The following OSBPL6 variants were observed in gnomAD, a reference collection of about 807,000 sequenced individuals.
The protein encoded by OSBPL6 is oxysterol binding protein like 6, also known as oxysterol-binding protein-related protein 6.
A neutral mutation model predicts 125.8 loss-of-function variants in OSBPL6; 49 were observed. That is an observed-to-expected ratio of 0.39 (90% CI 0.31 to 0.49). The LOEUF (loss-of-function observed/expected upper bound fraction) is 0.49, where lower values mean the gene tolerates loss of function less well. Ranked by LOEUF, OSBPL6 falls within the 20% of genes least tolerant of loss-of-function variation. OSBPL6 has a pLI of 0.88. For missense variants in OSBPL6, 986 were observed against 1,135.4 expected (o/e 0.87, Z 1.89); for synonymous variants, 394 against 391.8 (o/e 1.01, Z -0.07).
chr2:178,394,990 C>T (rs1203636269), intron 24 of OSBPL6, among the ~76,000 whole-genome samples: 2 of 152,128 alleles, frequency 1.3e-5, no homozygotes, highest in South Asian at 2.1e-4. Flanking sequence ...TAGACTTGTC[C>T]TGTCATTACT....
At chr2:178,225,717 C>G (rs536120641) in intron 1 of OSBPL6, among the ~76,000 whole-genome samples, 1 of 152,172 alleles carries the variant, frequency 6.6e-6, no homozygotes, top group African/African-American at 2.4e-5. Context: ...CACAATCTTA[C>G]ACAGCAGGCA....
chr2:178,335,963 A>T (rs1056543122), intron 8 of OSBPL6, among the ~76,000 whole-genome samples: 4 of 152,240 alleles, frequency 2.6e-5, no homozygotes, highest in Non-Finnish European at 5.9e-5. Flanking sequence ...TTAAATCATG[A>T]GTTAAGAGTA....
intron 11 of OSBPL6, chr2:178,344,234 C>T (rs1310169341): frequency 6.8e-7 from 1 of 1,462,324 alleles, no homozygotes; most frequent in Non-Finnish European, 9.6e-7. Flanking sequence ...CATCTTCCAT[C>T]CTTTCCTCCC....
At chr2:178,320,788 C>T (rs1172769678) in intron 3 of OSBPL6, among the ~76,000 whole-genome samples, 10 of 152,248 alleles carry the variant, frequency 6.6e-5, no homozygotes, top group Non-Finnish European at 1.3e-4. Flanking sequence ...GTGATTAATC[C>T]GCTAGATTTT....
chr2:178,260,228 A>G (rs893160592), intron 1 of OSBPL6, among the ~76,000 whole-genome samples: 30 of 152,312 alleles, frequency 2.0e-4, no homozygotes, highest in African/African-American at 5.8e-4. Flanking sequence ...TTGTTTTTTT[A>G]GAAGATCATC....
chr2:178,284,728 G>A (rs1052174751), intron 1 of OSBPL6, among the ~76,000 whole-genome samples, 199 bp from the exon 2 acceptor site: 1 of 152,166 alleles, frequency 6.6e-6, no homozygotes, highest in African/African-American at 2.4e-5. Flanking sequence ...ACTGATTACT[G>A]AGAAGGTCAG....
intron 12 of OSBPL6, 103 bp from the exon 13 acceptor site, chr2:178,361,579 C>CA (rs1692362300): frequency 7.1e-7 from 1 of 1,416,514 alleles, no homozygotes; most frequent in Admixed American, 2.0e-5. Context: ...ATAGCCTTTC[C>CA]AAAAAATGCC....
chr2:178,337,958 T>TTTTTTTTTTTTTTTTC lies in OSBPL6; in HGVS notation c.791-1032_791-1031insTTTTTTTTTTTTTTCT, dbSNP rs1341345045. Among the ~76,000 whole-genome samples, 308 of 151,416 alleles carry TTTTTTTTTTTTTTTTC rather than the reference T, an allele frequency of 2.0e-3. 3 individuals are homozygous for TTTTTTTTTTTTTTTTC. Among genetic ancestry groups the TTTTTTTTTTTTTTTTC allele is most frequent in the African/African-American group, 7.2e-3 (296 of 41,068 alleles). On this transcript the variant is annotated intron_variant, in intron 9 of 24. Coordinates refer to ENST00000190611, the MANE Select transcript of OSBPL6 (RefSeq NM_032523.4). ...AGTAACTCAGTATTCTCTTTTTTTT[T>TTTTTTTTTTTTTTTTC]TGAGACGGAGTCTTGCTCTATTGCA...
chr2:178,303,757 T>A (rs1396941187), intron 2 of OSBPL6, among the ~76,000 whole-genome samples: 1 of 152,110 alleles, frequency 6.6e-6, no homozygotes, highest in Non-Finnish European at 1.5e-5. Flanking sequence ...AGACCTGAGA[T>A]TTAGCCTCAA....
intron 1 of OSBPL6, among the ~76,000 whole-genome samples, chr2:178,270,051 CTT>C (rs1230875552): frequency 1.3e-5 from 2 of 152,206 alleles, no homozygotes; most frequent in African/African-American, 4.8e-5. Flanking sequence ...CACAGCCTCT[CTT>C]TGCTCCCTGA....
intron 3 of OSBPL6, chr2:178,320,411 T>A (rs1239448161): frequency 6.2e-7 from 1 of 1,612,580 alleles, no homozygotes. Context: ...GGGTAAGTAC[T>A]TCCACCTTCT....
intron 1 of OSBPL6, among the ~76,000 whole-genome samples, chr2:178,261,487 T>C (rs765068182): frequency 1.6e-4 from 24 of 151,496 alleles, no homozygotes; most frequent in Non-Finnish European, 2.9e-4. Flanking sequence ...AAGACTATAA[T>C]ATAGAAGGAG....
intron 1 of OSBPL6, among the ~76,000 whole-genome samples, chr2:178,216,167 C>A (rs960460005): frequency 7.2e-5 from 11 of 152,084 alleles, no homozygotes; most frequent in African/African-American, 2.7e-4. Context: ...TACCTGACAG[C>A]TGATTCTAAG....
chr2:178,312,620 T>C (rs964294829), intron 3 of OSBPL6, among the ~76,000 whole-genome samples: 2 of 150,952 alleles, frequency 1.3e-5, no homozygotes, highest in Non-Finnish European at 3.0e-5. Flanking sequence ...CACATCTGGC[T>C]AATTTTTGTA....
At chr2:178,332,800 G>C (rs530265272) in intron 7 of OSBPL6, 46 bp downstream of exon 7, 1 of 1,609,136 alleles carries the variant, frequency 6.2e-7, no homozygotes, top group Non-Finnish European at 8.5e-7. Flanking sequence ...CAGGGGAAAC[G>C]ATTTGCCTAC....
intron 24 of OSBPL6, among the ~76,000 whole-genome samples, chr2:178,395,094 G>T (rs1347998992): frequency 3.3e-5 from 5 of 152,108 alleles, no homozygotes; most frequent in Admixed American, 3.3e-4. Flanking sequence ...TACTGATATT[G>T]CATACTTTTA....
At chr2:178,371,618 C>T (rs968467499) in intron 13 of OSBPL6, among the ~76,000 whole-genome samples, 2 of 152,136 alleles carry the variant, frequency 1.3e-5, no homozygotes, top group Admixed American at 6.5e-5. Flanking sequence ...AATGAAAATA[C>T]AGATGTTTTC....
In OSBPL6 at chr2:178,362,036, G is replaced by A. The variant is rs148346745; in HGVS notation, c.1287+221G>A. ...AAATAAACCAAACTTGCTTGTAAGC[G>A]TATAATGGTAATTTTGGCCAATTGA... is the stretch of plus-strand genomic sequence containing the variant. On this transcript the variant is annotated intron_variant, in intron 13 of 24. Transcript: ENST00000190611. Among the ~76,000 whole-genome samples, 14 of 152,232 alleles carry A rather than the reference G, an allele frequency of 9.2e-5. No individual in the cohort carries two copies. In the East Asian group the frequency reaches 1.5e-3, roughly 17 times the overall value.
chr2:178,283,795 T>A lies in OSBPL6; in HGVS notation c.-350-1132T>A, dbSNP rs905934936. Among the ~76,000 whole-genome samples, 4 of 152,314 alleles carry A rather than the reference T, an allele frequency of 2.6e-5. No homozygotes were observed. The East Asian group carries it at 7.7e-4, about 29-fold the overall frequency. On this transcript the variant is annotated intron_variant, in intron 1 of 24. Coordinates refer to ENST00000190611, the MANE Select transcript of OSBPL6 (RefSeq NM_032523.4). ...GGCAGAAGATGAAGGAGAGCTGTTA[T>A]GCAGAGATCACATGGTGACAGAGGA...
Sources: allele counts gnomAD v4.1 joint callset (sites outside exome capture counted in the v4.1 genomes callset), GRCh38; gene constraint gnomAD v4.1.1; transcripts MANE v1.5; gene names NCBI Gene and HGNC (gene_info 2026-07-23, HGNC 2026-07-21).